Variants in CCSER1 observed in about 807,000 individuals in gnomAD.
CCSER1 encodes serine-rich coiled-coil domain-containing protein 1.
A neutral mutation model predicts 82.0 loss-of-function variants in CCSER1; 41 were observed. The observed-to-expected ratio is 0.50, with a 90% CI of 0.39 to 0.65. The LOEUF (loss-of-function observed/expected upper bound fraction) is 0.65. Ranked by LOEUF, CCSER1 falls within the 30% of genes least tolerant of loss-of-function variation. The probability of loss-of-function intolerance (pLI) is 0.00; values close to 1 mark genes in which losing one functional copy is unlikely to be tolerated. For synonymous variants in CCSER1, 414 were observed against 383.9 expected, an observed-to-expected ratio of 1.08 and a Z score of -0.92; for missense variants, 1,119 against 1,064.2, an observed-to-expected ratio of 1.05 and a Z score of -0.72.
At chr4:90,933,042 AAG>A (rs1194690515) in intron 9 of CCSER1, among the ~76,000 whole-genome samples, 1 of 79,484 alleles carries the variant, frequency 1.3e-5, no homozygotes, top group Admixed American at 1.2e-4. Flanking sequence ...GAAAGAAAGA[AAG>A]AGAAGGAAGG....
chr4:91,559,576 G>C (rs1252073697), intron 10 of CCSER1, among the ~76,000 whole-genome samples: 1 of 151,386 alleles, frequency 6.6e-6, no homozygotes, highest in Admixed American at 6.6e-5. Flanking sequence ...GACAATTCTG[G>C]ATTACTTTAT....
At chr4:90,416,338 A>G (rs2153558484) in intron 4 of CCSER1, among the ~76,000 whole-genome samples, 1 of 152,278 alleles carries the variant, frequency 6.6e-6, no homozygotes, top group South Asian at 2.1e-4. Context: ...AGAAAATTGC[A>G]CCTTAATGAT....
chr4:90,894,216 C>A (rs1723367711), intron 8 of CCSER1, among the ~76,000 whole-genome samples: 1 of 151,958 alleles, frequency 6.6e-6, no homozygotes, highest in Non-Finnish European at 1.5e-5. Flanking sequence ...AAATTGTATT[C>A]TGTTATGAAT....
intron 10 of CCSER1, among the ~76,000 whole-genome samples, chr4:91,428,020 A>AT (rs1754092147): frequency 1.3e-5 from 2 of 152,036 alleles, no homozygotes; most frequent in South Asian, 4.1e-4. Flanking sequence ...TTCTACACTC[A>AT]TTTTCAATCC....
chr4:90,945,350 G>A (rs6532261), intron 9 of CCSER1, among the ~76,000 whole-genome samples: 44,518 of 151,894 alleles, frequency 0.29, 6,918 homozygotes, highest in Non-Finnish European at 0.32. Context: ...TCAGCTAAAT[G>A]GAATGGATCA....
At chr4:91,174,076 G>A (rs1318533161) in intron 10 of CCSER1, among the ~76,000 whole-genome samples, 5 of 152,094 alleles carry the variant, frequency 3.3e-5, no homozygotes, top group African/African-American at 9.7e-5. Flanking sequence ...CCCATTAACT[G>A]AAGGGATCTT....
chr4:90,457,902 CCTT>C (rs1460799947), intron 4 of CCSER1, among the ~76,000 whole-genome samples: 2 of 152,182 alleles, frequency 1.3e-5, no homozygotes, highest in Non-Finnish European at 1.5e-5. Flanking sequence ...CCCATGCCAA[CCTT>C]CTCTTTGCCG....
At chr4:90,539,440 T>A (rs1376667617) in intron 5 of CCSER1, among the ~76,000 whole-genome samples, 3 of 152,118 alleles carry the variant, frequency 2.0e-5, no homozygotes, top group African/African-American at 7.2e-5. Context: ...AGTGACTTTT[T>A]TATGTGATAA....
chr4:90,876,267 A>T (rs1767195585), intron 8 of CCSER1, among the ~76,000 whole-genome samples: 2 of 152,110 alleles, frequency 1.3e-5, no homozygotes, highest in Non-Finnish European at 2.9e-5. Context: ...ATCATTCATT[A>T]TAATGAAAAC....
intron 3 of CCSER1, among the ~76,000 whole-genome samples, chr4:90,323,717 G>A (rs557631385): frequency 3.7e-4 from 56 of 151,880 alleles, no homozygotes; most frequent in African/African-American, 1.3e-3. Flanking sequence ...TGTGCACAAT[G>A]TGCAGGTTAG....
chr4:91,247,795 C>A (rs1739915331), intron 10 of CCSER1, among the ~76,000 whole-genome samples: 2 of 152,066 alleles, frequency 1.3e-5, no homozygotes, highest in South Asian at 4.1e-4. Flanking sequence ...TCAAACCTGG[C>A]AGTTGGAGGT....
intron 8 of CCSER1, among the ~76,000 whole-genome samples, chr4:90,846,280 A>C (rs761073152): frequency 3.3e-5 from 5 of 152,216 alleles, no homozygotes; most frequent in Admixed American, 6.5e-5. Flanking sequence ...CATCTTAAAG[A>C]AAGAAATGCA....
At chr4:90,555,004 C>CT (rs1275123054) in intron 5 of CCSER1, among the ~76,000 whole-genome samples, 6 of 152,044 alleles carry the variant, frequency 3.9e-5, no homozygotes, top group African/African-American at 1.4e-4. Flanking sequence ...TTTATATTCC[C>CT]TTCTTTATTA....
chr4:90,851,475 C>T (rs927934822), intron 8 of CCSER1, among the ~76,000 whole-genome samples: 6 of 150,518 alleles, frequency 4.0e-5, no homozygotes, highest in South Asian at 2.1e-4. Context: ...GTGGGGGGGG[C>T]GCTGTCCAGT....
intron 3 of CCSER1, among the ~76,000 whole-genome samples, chr4:90,323,522 A>T (rs1424494697): frequency 6.6e-6 from 1 of 152,144 alleles, no homozygotes; most frequent in Non-Finnish European, 1.5e-5. Context: ...TTCTCTTGTG[A>T]CAAGACAGCA....
intron 10 of CCSER1, among the ~76,000 whole-genome samples, chr4:91,249,029 C>G (rs973622176): frequency 2.6e-5 from 4 of 152,114 alleles, no homozygotes; most frequent in African/African-American, 9.7e-5. Flanking sequence ...GCTCTTGCTT[C>G]TGTCTACTCT....
At chr4:91,164,779 A>T (rs998425439) in intron 10 of CCSER1, among the ~76,000 whole-genome samples, 1 of 152,090 alleles carries the variant, frequency 6.6e-6, no homozygotes, top group Non-Finnish European at 1.5e-5. Flanking sequence ...TTTCAGCTCC[A>T]TCAGGTCATT....
At chr4:90,851,484 G>T (rs769672784) in intron 8 of CCSER1, among the ~76,000 whole-genome samples, 56 of 151,368 alleles carry the variant, frequency 3.7e-4, no homozygotes, top group Non-Finnish European at 7.2e-4. Context: ...GCGCTGTCCA[G>T]TTTTTAAATG....
intron 10 of CCSER1, among the ~76,000 whole-genome samples, chr4:91,569,611 G>T (rs1225187987): frequency 6.6e-6 from 1 of 152,100 alleles, no homozygotes; most frequent in African/African-American, 2.4e-5. Flanking sequence ...GTAAATGCCA[G>T]ATGCTTATAA....
Sources: gnomAD v4.1 joint callset for allele counts (sites outside exome capture counted in the v4.1 genomes callset) on GRCh38, gnomAD v4.1.1 for gene constraint, MANE v1.5 for transcripts, NCBI Gene and HGNC (gene_info 2026-07-23, HGNC 2026-07-21) for gene names.